Variants in ERBB4 observed in about 807,000 individuals in gnomAD.
ERBB4 encodes erb-b2 receptor tyrosine kinase 4.
In ERBB4, 42 loss-of-function variants were observed where a neutral mutation model predicts 158.0. That is an observed-to-expected ratio of 0.27 (90% CI 0.21 to 0.34). The LOEUF (loss-of-function observed/expected upper bound fraction) is 0.34. Ranked by LOEUF, ERBB4 falls within the 10% of genes least tolerant of loss-of-function variation. The pLI, the probability that ERBB4 is intolerant of heterozygous loss-of-function variation, is 1.00. For missense variants in ERBB4, 1,333 were observed against 1,624.1 expected (o/e 0.82, Z 3.08); for synonymous variants, 583 against 558.7 (o/e 1.04, Z -0.61).
chr2:211,575,689 C>CA (rs2067868500), intron 19 of ERBB4, among the ~76,000 whole-genome samples: 2 of 152,040 alleles, frequency 1.3e-5, no homozygotes, highest in Non-Finnish European at 2.9e-5. Context: ...AACTTAATAA[C>CA]AAGCAACTCG....
At chr2:211,820,752 G>C (rs531842998) in intron 3 of ERBB4, among the ~76,000 whole-genome samples, 1 of 151,722 alleles carries the variant, frequency 6.6e-6, no homozygotes, top group Admixed American at 6.6e-5. Context: ...ATCAAGTGCG[G>C]TTTATTCCAG....
At chr2:211,845,740 A>G (rs2077572640) in intron 3 of ERBB4, among the ~76,000 whole-genome samples, 1 of 152,156 alleles carries the variant, frequency 6.6e-6, no homozygotes, top group African/African-American at 2.4e-5. Context: ...TATTTGTTTA[A>G]AAGTTGAATG....
At chr2:211,410,283 T>C (rs144944574) in intron 25 of ERBB4, among the ~76,000 whole-genome samples, 5 of 152,236 alleles carry the variant, frequency 3.3e-5, no homozygotes, top group African/African-American at 1.2e-4. Flanking sequence ...GAATTGGAGG[T>C]CAGTTATAAA....
chr2:211,888,880 C>G (rs935703815), intron 3 of ERBB4, among the ~76,000 whole-genome samples: 9 of 151,806 alleles, frequency 5.9e-5, no homozygotes, highest in African/African-American at 2.2e-4. Flanking sequence ...ATATCCCACA[C>G]CTGGCTCGGA....
At chr2:212,388,489 A>G (rs2090751684) in intron 1 of ERBB4, among the ~76,000 whole-genome samples, 1 of 152,060 alleles carries the variant, frequency 6.6e-6, no homozygotes, top group African/African-American at 2.4e-5. Flanking sequence ...TCGTGCTGTT[A>G]TACCTGGAAC....
intron 1 of ERBB4, among the ~76,000 whole-genome samples, chr2:212,290,683 T>TGTGTGCAC (rs1306155949): frequency 6.6e-6 from 1 of 151,934 alleles, no homozygotes; most frequent in Non-Finnish European, 1.5e-5. Flanking sequence ...TGTGTGTGCG[T>TGTGTGCAC]GTGTGCACGT....
At chr2:211,686,041 C>T (rs1222702673) in intron 12 of ERBB4, among the ~76,000 whole-genome samples, 2 of 152,054 alleles carry the variant, frequency 1.3e-5, no homozygotes. Context: ...TTTTTATGTA[C>T]ATAATCATGC....
At chr2:212,279,313 C>T (rs920039405) in intron 1 of ERBB4, among the ~76,000 whole-genome samples, 1 of 151,478 alleles carries the variant, frequency 6.6e-6, no homozygotes, top group Non-Finnish European at 1.5e-5. Context: ...CTGAAATTTA[C>T]TTATTTTAAT....
chr2:212,107,463 A>G (rs1262825200), intron 2 of ERBB4, among the ~76,000 whole-genome samples: 4 of 152,158 alleles, frequency 2.6e-5, no homozygotes, highest in Non-Finnish European at 4.4e-5. Context: ...GTATCTAGGA[A>G]GTAACTAACT....
intron 1 of ERBB4, among the ~76,000 whole-genome samples, chr2:212,317,550 C>T (rs779612349): frequency 1.9e-4 from 29 of 151,440 alleles, no homozygotes; most frequent in African/African-American, 6.3e-4. Context: ...CTATATTTTG[C>T]GAAATTAATC....
chr2:211,739,548 C>T (rs1221955397), intron 5 of ERBB4, among the ~76,000 whole-genome samples: 2 of 152,204 alleles, frequency 1.3e-5, no homozygotes, highest in Non-Finnish European at 2.9e-5. Context: ...ACCGCAACCT[C>T]TGCCTACCAG....
intron 20 of ERBB4, among the ~76,000 whole-genome samples, chr2:211,434,849 A>C: frequency 6.6e-6 from 1 of 152,196 alleles, no homozygotes; most frequent in Non-Finnish European, 1.5e-5. Context: ...ATCAAAATAC[A>C]TGTTTATGGT....
At chr2:211,504,799 A>T (rs2065704551) in intron 20 of ERBB4, among the ~76,000 whole-genome samples, 1 of 152,190 alleles carries the variant, frequency 6.6e-6, no homozygotes, top group African/African-American at 2.4e-5. Flanking sequence ...CACTGAAAGG[A>T]TTTTAAAACA....
intron 1 of ERBB4, among the ~76,000 whole-genome samples, chr2:212,462,752 G>T (rs1319049413): frequency 1.3e-5 from 2 of 152,040 alleles, no homozygotes; most frequent in African/African-American, 4.8e-5. Context: ...CCACTACTGG[G>T]TATATATCTA....
chr2:211,439,791 A>G (rs1002827454), intron 20 of ERBB4, among the ~76,000 whole-genome samples: 9 of 152,240 alleles, frequency 5.9e-5, no homozygotes, highest in Non-Finnish European at 2.9e-5. Flanking sequence ...AAAATCTGCA[A>G]TCTTTATGAT....
intron 3 of ERBB4, among the ~76,000 whole-genome samples, chr2:211,802,728 T>G (rs1262655471): frequency 6.6e-6 from 1 of 152,238 alleles, no homozygotes; most frequent in Non-Finnish European, 1.5e-5. Context: ...CTAGCTGATA[T>G]GCACCTAGCT....
chr2:211,728,442 G>A (rs1471333585), intron 5 of ERBB4, among the ~76,000 whole-genome samples: 1 of 151,220 alleles, frequency 6.6e-6, no homozygotes, highest in Non-Finnish European at 1.5e-5. Flanking sequence ...TTTTAACCAA[G>A]TGGTATATTT....
chr2:211,763,647 A>G (rs1294937909), intron 4 of ERBB4, among the ~76,000 whole-genome samples: 3 of 152,110 alleles, frequency 2.0e-5, no homozygotes, highest in Non-Finnish European at 4.4e-5. Flanking sequence ...TTTATTATAT[A>G]TAAGATTGAG....
chr2:211,615,740 G>C (rs1382553947), intron 19 of ERBB4, among the ~76,000 whole-genome samples: 2 of 152,010 alleles, frequency 1.3e-5, no homozygotes, highest in African/African-American at 4.8e-5. Flanking sequence ...TTTCATTGTG[G>C]TGATAAATTT....
Sources: gnomAD v4.1 joint callset for allele counts (sites outside exome capture counted in the v4.1 genomes callset) on GRCh38, gnomAD v4.1.1 for gene constraint, MANE v1.5 for transcripts, NCBI Gene and HGNC (gene_info 2026-07-23, HGNC 2026-07-21) for gene names.